MAPK3: variants seen among roughly 807,000 people sequenced by gnomAD.
The protein encoded by MAPK3 is mitogen-activated protein kinase 3, also known as MAPK 1.
MAPK3 carries 30 observed loss-of-function variants against 41.8 expected under a neutral mutation model. The observed-to-expected ratio is 0.72, with a 90% CI of 0.54 to 0.97. The LOEUF is 0.97. Ranked by LOEUF, MAPK3 falls within the 50% of genes least tolerant of loss-of-function variation. The probability of loss-of-function intolerance (pLI) is 0.00; values close to 1 mark genes in which losing one functional copy is unlikely to be tolerated. For synonymous variants in MAPK3, 222 were observed against 213.4 expected (o/e 1.04, Z -0.35); for missense variants, 413 against 509.9 (o/e 0.81, Z 1.83).
Position 30,116,924 on chromosome 16 carries a change from G to C in MAPK3, c.987C>G (p.Tyr329Ter). The C allele has an allele frequency of 1.2e-6, 2 of 1,613,972 alleles. No individual in the cohort carries two copies. Among genetic ancestry groups the C allele is most frequent in the South Asian group, 1.1e-5 (1 of 91,062 alleles). ...CCGTCGGGTCATAGTACTGCTCCAG[G>C]TAGGGGTGAGCCAGCGCTTCCTCCA... ...ITVEEALAHPYLEQYYDPTDE... is the reference protein window; with the variant it reads ...ITVEEALAHP Residue 329 changes from tyrosine to a stop codon, truncating the protein, a stop_gained, in exon 7 of 9, where the codon TAC (tyrosine) becomes TAG (stop). Transcript: ENST00000263025. LOFTEE classifies it high-confidence loss of function.
chr16:30,119,760 G>A (rs187570478), intron 2 of MAPK3, among the ~76,000 whole-genome samples: 8 of 152,338 alleles, frequency 5.3e-5, no homozygotes, highest in African/African-American at 1.9e-4. Context: ...AGATGGAGGA[G>A]TAAAATGTCT....
At chr16:30,117,100 C>T (rs1169576960) in intron 6 of MAPK3, 54 bp downstream of exon 6, 2 of 1,607,988 alleles carry the variant, frequency 1.2e-6, no homozygotes, top group Non-Finnish European at 8.5e-7. Flanking sequence ...TGGGCTCACA[C>T]ACCCTCCACG....
chr16:30,118,327 G>A, intron 3 of MAPK3, 22 bp downstream of exon 3: 3 of 1,604,760 alleles, frequency 1.9e-6, no homozygotes, highest in Non-Finnish European at 1.7e-6. Context: ...GGGAGGAGGG[G>A]ACAGGTGCCC....
chr16:30,119,050 G>A (rs780531208), intron 2 of MAPK3, among the ~76,000 whole-genome samples: 3 of 151,896 alleles, frequency 2.0e-5, no homozygotes, highest in Non-Finnish European at 4.4e-5. Flanking sequence ...GCTGCAGCAC[G>A]AGAATCACTT....
intron 4 of MAPK3, 42 bp downstream of exon 4, chr16:30,118,005 G>A (rs2072975642): frequency 6.4e-7 from 1 of 1,565,090 alleles, no homozygotes; most frequent in African/African-American, 1.3e-5. Flanking sequence ...GGGCTTCCTG[G>A]GAACTGGTCC....
At chr16:30,119,753 T>C (rs1206158404) in intron 2 of MAPK3, among the ~76,000 whole-genome samples, 1 of 152,172 alleles carries the variant, frequency 6.6e-6, no homozygotes, top group Non-Finnish European at 1.5e-5. Context: ...CCTCAGAAGA[T>C]GGAGGAGTAA....
At position 30,116,237 on chromosome 16, in the gene MAPK3, G is replaced by A. The variant is rs376911007; in HGVS notation, c.*32+399C>T. 9.2e-5 allele frequency among the ~76,000 whole-genome samples: 14 copies of A among 151,678 alleles called. 1 individual carries two copies. The highest frequency in any genetic ancestry group is 3.9e-4 in the East Asian group (2 of 5,136). Reference sequence around the variant, plus strand: ...TTTAGTAGAGACAGGGTTTCACCACGTTGGCCAGGCAGGCTGGTCTCGGAC... The same window carrying A: ...TTTAGTAGAGACAGGGTTTCACCACATTGGCCAGGCAGGCTGGTCTCGGAC... On this transcript the variant is annotated intron_variant, in intron 8 of 8. Coordinates refer to ENST00000263025, the MANE Select transcript of MAPK3 (RefSeq NM_002746.3).
intron 5 of MAPK3, 138 bp downstream of exon 5, chr16:30,117,532 T>C: frequency 4.0e-6 from 3 of 756,710 alleles, no homozygotes; most frequent in Non-Finnish European, 6.9e-6. Context: ...CCAATGGGGA[T>C]AATATCTATA....
Position 30,117,269 on chromosome 16 carries a change from TG to T in MAPK3, c.791del (p.Pro264HisfsTer6). ...TGATACAATTCAGGTCCTCCTGGGA[TG>T]GGGAGCCCAGGATGCCTGTGGATAA... ...LNHILGILGS[P>X]SQEDLNCIIN... On this transcript the variant is annotated frameshift_variant, in exon 6 of 9. Coordinates refer to ENST00000263025, the MANE Select transcript of MAPK3 (RefSeq NM_002746.3). LOFTEE classifies it high-confidence loss of function. 1.9e-6 allele frequency: 3 copies of T among 1,613,972 alleles called. No individual in the cohort carries two copies. The highest frequency in any genetic ancestry group is 2.5e-6 in the Non-Finnish European group (3 of 1,179,974).
chr16:30,117,570 A>T, intron 5 of MAPK3, 100 bp downstream of exon 5: 1 of 904,552 alleles, frequency 1.1e-6, no homozygotes, highest in Non-Finnish European at 1.8e-6. Context: ...GAGATGCTGG[A>T]GGCACCCCAC....
intron 4 of MAPK3, 90 bp downstream of exon 4, chr16:30,117,957 T>A: frequency 1.6e-6 from 2 of 1,253,344 alleles, no homozygotes; most frequent in Non-Finnish European, 1.2e-6. Context: ...AGAATTCCTG[T>A]GTCATGGGGG....
intron 2 of MAPK3, among the ~76,000 whole-genome samples, chr16:30,121,139 C>T (rs1198886565): frequency 1.3e-5 from 2 of 152,084 alleles, no homozygotes; most frequent in East Asian, 3.9e-4. Context: ...GACAGAGTCT[C>T]GCTCTGTCAC....
At chr16:30,118,301 A>C in intron 3 of MAPK3, 48 bp downstream of exon 3, 3 of 1,583,682 alleles carry the variant, frequency 1.9e-6, no homozygotes, top group South Asian at 1.1e-5. Flanking sequence ...TGGTCACTGG[A>C]AGCCCCAGAC....
intron 4 of MAPK3, 116 bp from the exon 5 acceptor site, chr16:30,117,900 G>T: frequency 1.8e-6 from 2 of 1,086,988 alleles, no homozygotes; most frequent in African/African-American, 1.5e-5. Context: ...CAGAGGCCTG[G>T]AGGGCTCAAT....
rs1178447394 is a variant in MAPK3, at chr16:30,116,754, G to A, written c.1054C>T (p.Leu352=). 1.2e-6 allele frequency: 2 copies of A among 1,613,790 alleles called. No individual in the cohort carries two copies. The highest frequency in any genetic ancestry group is 1.7e-6 in the Non-Finnish European group (2 of 1,179,984). The part of the protein sequence containing the change: ...AEEPFTFAME[L]DDLPKERLKE... ...AGCCGCTCCTTAGGTAGGTCATCCA[G>A]CTCCATGGCGAAGGTGAAGGGCTCC... is the stretch of plus-strand genomic sequence containing the variant. The change falls in exon 8 of 9, where the codon CTG becomes TTG. Residue 352 remains leucine (L), a synonymous_variant. Transcript: ENST00000263025.
chr16:30,123,001 T>G, intron 1 of MAPK3, 39 bp downstream of exon 1: 120 of 1,191,044 alleles, frequency 1.0e-4, no homozygotes, highest in East Asian at 5.8e-4. Context: ...CGAAGCCCCC[T>G]CCCCTGAGGG....
Position 30,118,408 on chromosome 16 carries a change from C to T in MAPK3, c.484G>A (p.Val162Met), listed in dbSNP as rs1430679556. The T allele has an allele frequency of 1.9e-6, 3 of 1,611,864 alleles. No individual in the cohort carries two copies. The highest frequency in any genetic ancestry group is 2.5e-6 in the Non-Finnish European group (3 of 1,179,352). The change falls in exon 3 of 9, where the codon GTG (valine) becomes ATG (methionine). Residue 162 changes from valine (V) to methionine (M), a missense_variant. Transcript: ENST00000263025. ...GAGGGCTTTAGATCTCGGTGGAGCA[C>T]GTTGGCGGAGTGGATGTACTTGAGG... ...RGLKYIHSAN[V>M]LHRDLKPSNL...
chr16:30,117,954 CTG>C lies in MAPK3; in HGVS notation c.660+91_660+92del, dbSNP rs2072975039. On this transcript the variant is annotated intron_variant, in intron 4 of 8. Coordinates refer to ENST00000263025, the MANE Select transcript of MAPK3 (RefSeq NM_002746.3). Reference sequence around the variant, plus strand: ...GCCCAAGGCCCAGAGGGTAGAATTCCTGTGTCATGGGGGTCAGTGTCTGGCTC... The same window carrying C: ...GCCCAAGGCCCAGAGGGTAGAATTCCTGTCATGGGGGTCAGTGTCTGGCTC... The C allele has an allele frequency of 5.6e-6, 7 of 1,250,552 alleles. No individual in the cohort carries two copies. In the South Asian group the frequency reaches 8.6e-5, roughly 15 times the overall value. 77.5% of individuals were successfully genotyped at this position (1,250,552 alleles called of 1,614,324 possible).
intron 1 of MAPK3, 96 bp downstream of exon 1, chr16:30,122,944 C>A (rs2073031560): frequency 4.5e-6 from 5 of 1,120,558 alleles, no homozygotes; most frequent in Non-Finnish European, 6.0e-6. Context: ...GGACGCTCCG[C>A]GTCTCCACGT....
Sources: gnomAD v4.1 joint callset for allele counts (sites outside exome capture counted in the v4.1 genomes callset) on GRCh38, gnomAD v4.1.1 for gene constraint, MANE v1.5 for transcripts, NCBI Gene and HGNC (gene_info 2026-07-23, HGNC 2026-07-21) for gene names.